Variants in SOX5 observed in about 807,000 individuals in gnomAD.
SOX5 encodes SRY-box transcription factor 5, also known as transcription factor SOX-5.
In SOX5, 9 loss-of-function variants were observed where a neutral mutation model predicts 92.0. That is an observed-to-expected ratio of 0.10 (90% confidence interval 0.06 to 0.17). The LOEUF (loss-of-function observed/expected upper bound fraction) is 0.17. Among genes scored for constraint, SOX5 ranks in the 10% least tolerant of loss-of-function variants. SOX5 has a pLI of 1.00. For synonymous variants in SOX5, 344 were observed against 336.3 expected, an observed-to-expected ratio of 1.02 and a Z score of -0.25; for missense variants, 642 against 944.5, an observed-to-expected ratio of 0.68 and a Z score of 4.20.
intron 1 of SOX5, among the ~76,000 whole-genome samples, chr12:24,534,883 G>T (rs963674193): frequency 4.6e-5 from 7 of 152,208 alleles, no homozygotes; most frequent in Non-Finnish European, 8.8e-5. Flanking sequence ...CTGGCCACTT[G>T]GGGAAGCAGC....
chr12:23,931,785 A>T (rs1941462709), intron 1 of SOX5, among the ~76,000 whole-genome samples: 1 of 151,712 alleles, frequency 6.6e-6, no homozygotes, highest in Non-Finnish European at 1.5e-5. Context: ...CATAAAGAAC[A>T]AATGTTGTAG....
intron 3 of SOX5, among the ~76,000 whole-genome samples, chr12:23,795,223 T>A (rs1270247658): frequency 5.9e-5 from 9 of 151,854 alleles, no homozygotes; most frequent in Admixed American, 5.9e-4. Flanking sequence ...ATAAGAGTAG[T>A]GCATTTTTAA....
chr12:24,420,219 C>A (rs954174028), intron 1 of SOX5, among the ~76,000 whole-genome samples: 4 of 152,126 alleles, frequency 2.6e-5, no homozygotes, highest in Non-Finnish European at 5.9e-5. Flanking sequence ...CTATTTAGGC[C>A]TATAAATAAA....
chr12:23,943,219 T>G (rs1943974522), intron 1 of SOX5, among the ~76,000 whole-genome samples: 1 of 151,916 alleles, frequency 6.6e-6, no homozygotes, highest in African/African-American at 2.4e-5. Flanking sequence ...AGATACCCAC[T>G]TTGAATTCCT....
intron 1 of SOX5, among the ~76,000 whole-genome samples, chr12:24,400,379 T>C (rs1332070805): frequency 1.2e-5 from 1 of 81,734 alleles, no homozygotes; most frequent in Non-Finnish European, 2.8e-5. Flanking sequence ...TGAAATGATT[T>C]ATAATAAATT....
intron 4 of SOX5, among the ~76,000 whole-genome samples, chr12:24,050,375 G>A (rs1406448927): frequency 2.6e-5 from 4 of 152,044 alleles, no homozygotes; most frequent in African/African-American, 4.8e-5. Flanking sequence ...CAGCAAACAC[G>A]GTGAGTGTAT....
chr12:23,880,991 AT>A (rs562565764), intron 2 of SOX5, among the ~76,000 whole-genome samples: 2 of 152,032 alleles, frequency 1.3e-5, no homozygotes, highest in Non-Finnish European at 1.5e-5. Context: ...TTGATTTAAA[AT>A]TTTTTTCTAT....
intron 1 of SOX5, among the ~76,000 whole-genome samples, chr12:23,922,943 C>CTTTT (rs372074468): frequency 2.8e-5 from 4 of 143,094 alleles, no homozygotes; most frequent in Non-Finnish European, 4.6e-5. Context: ...GAAGCTCCTT[C>CTTTT]TTTTTTTTTT....
chr12:24,295,085 A>G (rs928853688), intron 2 of SOX5, among the ~76,000 whole-genome samples: 1 of 147,558 alleles, frequency 6.8e-6, no homozygotes, highest in Non-Finnish European at 1.5e-5. Flanking sequence ...TTTATCATGT[A>G]TAAGGTATAT....
At chr12:23,852,102 T>C (rs1481212574) in intron 2 of SOX5, among the ~76,000 whole-genome samples, 1 of 152,140 alleles carries the variant, frequency 6.6e-6, no homozygotes, top group Non-Finnish European at 1.5e-5. Flanking sequence ...ATTAGTATTT[T>C]GAATCCTTAG....
chr12:23,727,323 A>G (rs947324229), intron 6 of SOX5, among the ~76,000 whole-genome samples: 1 of 152,168 alleles, frequency 6.6e-6, no homozygotes, highest in Admixed American at 6.6e-5. Context: ...CTATATAAAT[A>G]TAACCTCTCA....
chr12:24,525,582 A>C (rs993685759), intron 1 of SOX5, among the ~76,000 whole-genome samples: 1 of 152,222 alleles, frequency 6.6e-6, no homozygotes, highest in Admixed American at 6.5e-5. Flanking sequence ...TTAGAGAAGC[A>C]GTAGCCAGGC....
chr12:24,351,845 A>C (rs1038797768), intron 2 of SOX5, among the ~76,000 whole-genome samples: 2 of 152,262 alleles, frequency 1.3e-5, no homozygotes, highest in Admixed American at 6.5e-5. Context: ...ACTTTCTTTC[A>C]GTGGCAATTA....
intron 4 of SOX5, among the ~76,000 whole-genome samples, chr12:24,006,889 T>G (rs1952242830): frequency 6.6e-6 from 1 of 151,872 alleles, no homozygotes; most frequent in Non-Finnish European, 1.5e-5. Context: ...ATCCCAGCAC[T>G]TTGGGAGGCC....
At chr12:23,962,924 A>T (rs1298960365) in intron 4 of SOX5, among the ~76,000 whole-genome samples, 2 of 152,142 alleles carry the variant, frequency 1.3e-5, no homozygotes, top group Non-Finnish European at 2.9e-5. Context: ...ACTGAAAAAA[A>T]CCCCTCAATT....
At chr12:23,919,466 T>C (rs1035100998) in intron 1 of SOX5, among the ~76,000 whole-genome samples, 2 of 152,230 alleles carry the variant, frequency 1.3e-5, no homozygotes, top group Non-Finnish European at 2.9e-5. Context: ...ACTTCAGCCA[T>C]AGTTCTTTCA....
intron 4 of SOX5, among the ~76,000 whole-genome samples, chr12:23,985,175 G>T (rs1005871993): frequency 1.3e-5 from 2 of 151,880 alleles, no homozygotes; most frequent in South Asian, 2.1e-4. Flanking sequence ...TATAAAAATG[G>T]TTATATATTC....
intron 1 of SOX5, among the ~76,000 whole-genome samples, chr12:23,913,518 A>T (rs2097374822): frequency 6.6e-6 from 1 of 151,978 alleles, no homozygotes; most frequent in African/African-American, 2.4e-5. Flanking sequence ...CAGGAGGATC[A>T]CGAGGTCGGG....
At chr12:24,214,599 G>A (rs986498949) in intron 3 of SOX5, among the ~76,000 whole-genome samples, 2 of 152,018 alleles carry the variant, frequency 1.3e-5, no homozygotes, top group African/African-American at 2.4e-5. Context: ...CTTGCAACAA[G>A]CTTATTAAAA....
Sources: gnomAD v4.1 joint callset for allele counts (sites outside exome capture counted in the v4.1 genomes callset) on GRCh38, gnomAD v4.1.1 for gene constraint, MANE v1.5 for transcripts, NCBI Gene and HGNC (gene_info 2026-07-23, HGNC 2026-07-21) for gene names.